Variants in CPOX observed in about 807,000 individuals in gnomAD.
CPOX encodes the protein oxygen-dependent coproporphyrinogen-III oxidase, mitochondrial.
CPOX carries 24 observed loss-of-function variants against 48.9 expected under a neutral mutation model. The ratio of observed to expected loss-of-function variants is 0.49; its 90% CI spans 0.36 to 0.69. The LOEUF (loss-of-function observed/expected upper bound fraction) is 0.69, where lower values mean the gene tolerates loss of function less well. Among genes scored for constraint, CPOX ranks in the 30% least tolerant of loss-of-function variants. CPOX has a pLI of 0.00. For synonymous variants in CPOX, 249 were observed against 234.6 expected (o/e 1.06, Z -0.56); for missense variants, 549 against 597.3 (o/e 0.92, Z 0.84).
At chr3:98,575,614 A>G (rs1040124594), downstream of CPOX, among the ~76,000 whole-genome samples, 8 of 151,198 alleles carry the variant, frequency 5.3e-5, no homozygotes, top group Non-Finnish European at 1.2e-4. Context: ...CAACATAGTG[A>G]AACCTTGTCT....
chr3:98,585,320 T>C, intron 5 of CPOX, 121 bp downstream of exon 5: 7 of 818,302 alleles, frequency 8.6e-6, no homozygotes, highest in Middle Eastern at 3.6e-4. Flanking sequence ...TTAATATTCA[T>C]CTATGAAAAG....
At chr3:98,578,555 A>G (rs554150218), downstream of CPOX, among the ~76,000 whole-genome samples, 2 of 152,352 alleles carry the variant, frequency 1.3e-5, no homozygotes, top group Admixed American at 6.5e-5. Context: ...ATCAAGATGT[A>G]AAACATTTAA....
chr3:98,574,210 A>T, the CPOX span, among the ~76,000 whole-genome samples: 1 of 152,162 alleles, frequency 6.6e-6, no homozygotes, highest in African/African-American at 2.4e-5. Flanking sequence ...TCAATTATCT[A>T]TTACTGTTTA....
At chr3:98,583,776 G>GT (rs1707304592) in intron 5 of CPOX, among the ~76,000 whole-genome samples, 1 of 152,178 alleles carries the variant, frequency 6.6e-6, no homozygotes, top group South Asian at 2.1e-4. Context: ...GTGGGTAACA[G>GT]TAAGTGAAAA....
the CPOX span, among the ~76,000 whole-genome samples, chr3:98,571,415 G>A: frequency 1.3e-5 from 2 of 152,148 alleles, no homozygotes; most frequent in Non-Finnish European, 1.5e-5. Flanking sequence ...GTGGCCGGGC[G>A]CGGTGGCTCA....
At chr3:98,586,649 G>C (rs1039753493) in intron 4 of CPOX, among the ~76,000 whole-genome samples, 1 of 152,052 alleles carries the variant, frequency 6.6e-6, no homozygotes, top group African/African-American at 2.4e-5. Flanking sequence ...GGTTTCCTAA[G>C]AAGCCATTTC....
chr3:98,592,963 C>A lies in CPOX; in HGVS notation c.542G>T (p.Trp181Leu). 1 of 1,613,144 alleles carries A rather than the reference C, an allele frequency of 6.2e-7. No homozygotes were observed. Among genetic ancestry groups the A allele is most frequent in the South Asian group, 1.1e-5 (1 of 90,828 alleles). The change falls in exon 1 of 7, where the codon TGG becomes TTG. Residue 181 changes from tryptophan (W) to leucine (L), a missense_variant. Physicochemically the swap from Trp to Leu is moderately conservative, Grantham distance 61 (BLOSUM62 -2). This residue lies in a region of CPOX where 336 missense variants were observed against 318.1 expected (regional missense o/e 1.06). Coordinates refer to ENST00000647941, the MANE Select transcript of CPOX (RefSeq NM_000097.7). ...DGGANFSVDR[W>L]ERKEGGGGIS... ...GGCCTCCTTACCTTCCTTCCTCTCC[C>A]ACCGGTCCACAGAAAAGTTGGCGCC...
intron 4 of CPOX, among the ~76,000 whole-genome samples, chr3:98,586,810 G>A (rs1368250010): frequency 6.6e-6 from 1 of 152,168 alleles, no homozygotes; most frequent in Non-Finnish European, 1.5e-5. Flanking sequence ...CAGGCGTGGT[G>A]GTGGGCACCT....
chr3:98,578,230 CAT>C (rs1241794880), downstream of CPOX: 3 of 966,162 alleles, frequency 3.1e-6, no homozygotes, highest in Non-Finnish European at 3.7e-6. Context: ...TCTTTTCAGA[CAT>C]AGTCTAATCC....
At position 98,593,558 on chromosome 3, in the gene CPOX, G is replaced by GC. The variant is rs1559681201; in HGVS notation, c.-55dup. The GC allele has an allele frequency of 2.0e-6, 3 of 1,486,670 alleles. No individual in the cohort carries two copies. Among genetic ancestry groups the GC allele is most frequent in the East Asian group, 2.7e-5 (1 of 37,562 alleles). The allele number at this position is 1,486,670 out of a possible 1,614,324, so 92.1% of individuals were successfully genotyped here. On this transcript the variant is annotated 5_prime_UTR_variant, in exon 1 of 7. Coordinates refer to ENST00000647941, the MANE Select transcript of CPOX (RefSeq NM_000097.7). ...CTGCGTCCCAGAGCCCTGCGTTTGA[G>GC]CCCCCCACCCAGACCCCCGGAGTAT...
chr3:98,589,190 T>C (rs141108651), intron 3 of CPOX, among the ~76,000 whole-genome samples: 2,284 of 151,824 alleles, frequency 0.015, 61 homozygotes, highest in African/African-American at 0.052. Context: ...GGTGTGGTGG[T>C]CACCTATAAT....
chr3:98,583,176 G>C (rs1479196509), intron 5 of CPOX, among the ~76,000 whole-genome samples: 1 of 152,114 alleles, frequency 6.6e-6, no homozygotes, highest in Non-Finnish European at 1.5e-5. Context: ...ATTGCGTGAA[G>C]GATGCCCCTT....
the CPOX span, among the ~76,000 whole-genome samples, chr3:98,570,857 G>A: frequency 6.6e-6 from 1 of 152,108 alleles, no homozygotes; most frequent in South Asian, 2.1e-4. Context: ...TTTGGTATTT[G>A]TCATTAGCTT....
downstream of CPOX, among the ~76,000 whole-genome samples, chr3:98,577,416 A>G (rs1248251147): frequency 6.6e-6 from 1 of 152,168 alleles, no homozygotes; most frequent in Non-Finnish European, 1.5e-5. Flanking sequence ...AGTTCAGATG[A>G]GAAAGTATGT....
intron 5 of CPOX, among the ~76,000 whole-genome samples, chr3:98,582,638 C>T (rs960607837): frequency 1.3e-5 from 2 of 152,072 alleles, no homozygotes; most frequent in Non-Finnish European, 2.9e-5. Flanking sequence ...ACTATAGGCA[C>T]CCGCCACCAT....
intron 5 of CPOX, 99 bp downstream of exon 5, chr3:98,585,342 A>G: frequency 3.3e-6 from 3 of 916,762 alleles, no homozygotes; most frequent in Non-Finnish European, 5.5e-6. Context: ...AATTAACACA[A>G]CTATTACAAA....
At chr3:98,587,319 C>A (rs1172662158) in intron 4 of CPOX, among the ~76,000 whole-genome samples, 1 of 152,060 alleles carries the variant, frequency 6.6e-6, no homozygotes, top group Non-Finnish European at 1.5e-5. Flanking sequence ...ATTTCAAAAT[C>A]TCTCTTTAAA....
At chr3:98,571,627 G>A in the CPOX span, among the ~76,000 whole-genome samples, 1 of 147,258 alleles carries the variant, frequency 6.8e-6, no homozygotes, top group African/African-American at 2.5e-5. Context: ...GGCGGAGCTT[G>A]CAGTGAGCCG....
At chr3:98,586,726 CG>C (rs1303199269) in intron 4 of CPOX, among the ~76,000 whole-genome samples, 2 of 152,046 alleles carry the variant, frequency 1.3e-5, no homozygotes, top group Non-Finnish European at 2.9e-5. Flanking sequence ...AGGCGGATCA[CG>C]AGGTCAGGAG....
Sources: allele counts gnomAD v4.1 joint callset (sites outside exome capture counted in the v4.1 genomes callset), GRCh38; gene constraint gnomAD v4.1.1; regional missense constraint gnomAD v4.1.1; transcripts MANE v1.5; gene names NCBI Gene and HGNC (gene_info 2026-07-23, HGNC 2026-07-21).